Variants in TYW1B observed in about 807,000 individuals in gnomAD.
TYW1B encodes the protein tRNA-yW synthesizing protein 1 homolog B.
TYW1B carries 73 observed loss-of-function variants against 86.9 expected under a neutral mutation model. The ratio of observed to expected loss-of-function variants is 0.84; its 90% CI spans 0.70 to 1.02. The LOEUF is 1.02. TYW1B is among the 50% of genes least tolerant of loss of function. The pLI is 0.00. For missense variants in TYW1B, 637 were observed against 827.4 expected, an observed-to-expected ratio of 0.77 and a Z score of 2.82; for synonymous variants, 248 against 292.8, an observed-to-expected ratio of 0.85 and a Z score of 1.56.
chr7:72,585,555 A>G (rs1811254008), intron 13 of TYW1B, among the ~76,000 whole-genome samples: 1 of 152,176 alleles, frequency 6.6e-6, no homozygotes, highest in Non-Finnish European at 1.5e-5. Flanking sequence ...AGTTCCCACA[A>G]TTCCCATGTG....
chr7:72,811,424 A>C (rs7798532), intron 3 of TYW1B, among the ~76,000 whole-genome samples: 105,137 of 151,850 alleles, frequency 0.69, 37,379 homozygotes, highest in Non-Finnish European at 0.77. Context: ...AGCTCACGTT[A>C]CTGCTTCCTT....
At chr7:72,819,776 G>A (rs1554480109) in intron 2 of TYW1B, among the ~76,000 whole-genome samples, 1 of 152,044 alleles carries the variant, frequency 6.6e-6, no homozygotes, top group African/African-American at 2.4e-5. Context: ...GAGAACCCCA[G>A]TGAGATATTA....
intron 4 of TYW1B, among the ~76,000 whole-genome samples, chr7:72,808,827 G>A (rs1163435691): frequency 4.0e-5 from 6 of 151,698 alleles, no homozygotes; most frequent in African/African-American, 7.3e-5. Flanking sequence ...GCACCCGGCC[G>A]TAAACAGCTT....
intron 13 of TYW1B, among the ~76,000 whole-genome samples, chr7:72,616,450 C>T (rs1812073465): frequency 6.6e-6 from 1 of 152,180 alleles, no homozygotes; most frequent in South Asian, 2.1e-4. Context: ...CCAGAAAGTA[C>T]TTCAAGGTGT....
chr7:72,634,840 T>G (rs1418350995), intron 11 of TYW1B, among the ~76,000 whole-genome samples: 4 of 152,170 alleles, frequency 2.6e-5, no homozygotes, highest in Non-Finnish European at 5.9e-5. Context: ...TATTTGTCTT[T>G]TTTCCAACTG....
At chr7:72,598,751 T>A (rs1554433119) in intron 13 of TYW1B, among the ~76,000 whole-genome samples, 2 of 152,174 alleles carry the variant, frequency 1.3e-5, no homozygotes, top group Non-Finnish European at 2.9e-5. Context: ...TTGGGACTTG[T>A]GACTGCGTCA....
chr7:72,662,874 C>T (rs1367967138), intron 11 of TYW1B, among the ~76,000 whole-genome samples: 5 of 152,146 alleles, frequency 3.3e-5, no homozygotes, highest in African/African-American at 1.2e-4. Context: ...TTCCCAAATG[C>T]ACTAATAAAG....
At chr7:72,814,973 G>A (rs1372128487) in intron 3 of TYW1B, among the ~76,000 whole-genome samples, 3 of 151,026 alleles carry the variant, frequency 2.0e-5, no homozygotes, top group South Asian at 2.1e-4. Context: ...GGGAGGCTGA[G>A]GCAGGAGAAT....
At chr7:72,593,801 G>A (rs1334549410) in intron 13 of TYW1B, among the ~76,000 whole-genome samples, 1 of 129,932 alleles carries the variant, frequency 7.7e-6, no homozygotes, top group Non-Finnish European at 1.6e-5. Context: ...CAGCCTGGGT[G>A]ACAGAGCCAG....
intron 11 of TYW1B, among the ~76,000 whole-genome samples, chr7:72,639,496 G>C (rs1812751560): frequency 6.6e-6 from 1 of 152,094 alleles, no homozygotes; most frequent in Admixed American, 6.6e-5. Flanking sequence ...CCTTCAGCTG[G>C]AAGAAGAGAC....
intron 11 of TYW1B, among the ~76,000 whole-genome samples, chr7:72,635,358 C>T (rs548483495): frequency 1.3e-5 from 2 of 152,242 alleles, no homozygotes; most frequent in East Asian, 1.9e-4. Context: ...CCAATAGAGA[C>T]GGTTCTCAAC....
At chr7:72,825,524 C>T (rs1480147837) in intron 2 of TYW1B, among the ~76,000 whole-genome samples, 1 of 152,064 alleles carries the variant, frequency 6.6e-6, no homozygotes, top group Non-Finnish European at 1.5e-5. Context: ...ACTAAAAATA[C>T]AAAGATTAGC....
At position 72,826,863 on chromosome 7, in the gene TYW1B, C is replaced by G; in HGVS notation, c.127G>C (p.Glu43Gln). The G allele has an allele frequency of 2.5e-6, 4 of 1,612,076 alleles. No homozygotes were observed. Among genetic ancestry groups the G allele is most frequent in the Non-Finnish European group, 3.4e-6 (4 of 1,179,614 alleles). ...AAAATAACTCCACTTACCTGCATCT[C>G]GATGACAATCTGGACACAAATCCAA... is the stretch of plus-strand genomic sequence containing the variant. The part of the protein sequence containing the change: ...SLWICVQIVI[E>Q]MQGFATVLAE... The change falls in exon 2 of 14, where the codon GAG becomes CAG. Residue 43 changes from glutamate (E) to glutamine (Q), a missense_variant. Transcript: ENST00000620995.
chr7:72,632,573 A>G (rs1417481061), intron 11 of TYW1B, among the ~76,000 whole-genome samples: 1 of 141,108 alleles, frequency 7.1e-6, no homozygotes, highest in Non-Finnish European at 1.5e-5. Context: ...AACTTTTCTA[A>G]GAGACCTAAA....
intron 11 of TYW1B, among the ~76,000 whole-genome samples, chr7:72,654,447 C>G (rs1813149481): frequency 6.6e-6 from 1 of 152,208 alleles, no homozygotes; most frequent in African/African-American, 2.4e-5. Flanking sequence ...GTCTGAGAAA[C>G]TGTCCAGCCT....
At chr7:72,699,311 G>A (rs1554452056) in intron 10 of TYW1B, among the ~76,000 whole-genome samples, 1 of 152,150 alleles carries the variant, frequency 6.6e-6, no homozygotes, top group Non-Finnish European at 1.5e-5. Flanking sequence ...GCTCTAACAT[G>A]GCAAATGGAA....
chr7:72,646,400 C>G (rs545388179), intron 11 of TYW1B, among the ~76,000 whole-genome samples: 11 of 151,848 alleles, frequency 7.2e-5, no homozygotes, highest in Admixed American at 3.3e-4. Context: ...GAGACAGGGT[C>G]TCATTCTGTT....
At chr7:72,749,078 G>A (rs1787443507) in intron 7 of TYW1B, among the ~76,000 whole-genome samples, 1 of 152,056 alleles carries the variant, frequency 6.6e-6, no homozygotes, top group East Asian at 1.9e-4. Flanking sequence ...CTTTGGGGAG[G>A]CTTTTAATTA....
intron 11 of TYW1B, among the ~76,000 whole-genome samples, chr7:72,653,096 T>C (rs1435863262): frequency 6.6e-6 from 1 of 152,172 alleles, no homozygotes; most frequent in Non-Finnish European, 1.5e-5. Flanking sequence ...TCCTTCATTT[T>C]AGGAAAGTAG....
Sources: gnomAD v4.1 joint callset for allele counts (sites outside exome capture counted in the v4.1 genomes callset) on GRCh38, gnomAD v4.1.1 for gene constraint, MANE v1.5 for transcripts, NCBI Gene and HGNC (gene_info 2026-07-23, HGNC 2026-07-21) for gene names.